The following CMIP variants were observed in gnomAD, a reference collection of about 807,000 sequenced individuals.
The protein encoded by CMIP is c-Maf inducing protein.
A neutral mutation model predicts 97.3 loss-of-function variants in CMIP; 13 were observed. That is an observed-to-expected ratio of 0.13 (90% CI 0.09 to 0.21). The LOEUF is 0.21. CMIP is among the 10% of genes least tolerant of loss of function. The pLI is 1.00. For synonymous variants in CMIP, 538 were observed against 436.3 expected (o/e 1.23, Z -2.91); for missense variants, 847 against 1,024.9 (o/e 0.83, Z 2.37).
At chr16:81,484,040 A>C (rs1051555986) in intron 1 of CMIP, among the ~76,000 whole-genome samples, 1 of 152,034 alleles carries the variant, frequency 6.6e-6, no homozygotes, top group Admixed American at 6.5e-5. Context: ...TTAAACACCT[A>C]CTGTGTCTTG....
At chr16:81,488,236 TA>T (rs1324433632) in intron 1 of CMIP, among the ~76,000 whole-genome samples, 2 of 152,224 alleles carry the variant, frequency 1.3e-5, no homozygotes, top group African/African-American at 4.8e-5. Flanking sequence ...CGTAGGGGGT[TA>T]AGGGCTCATA....
At chr16:81,662,725 A>T (rs1181139632) in intron 6 of CMIP, among the ~76,000 whole-genome samples, 1 of 152,154 alleles carries the variant, frequency 6.6e-6, no homozygotes, top group Admixed American at 6.5e-5. Context: ...TGTGCAGGAC[A>T]CGAGGGAGGG....
At chr16:81,701,272 T>G (rs3751858) in intron 15 of CMIP, among the ~76,000 whole-genome samples, 13,223 of 152,178 alleles carry the variant, frequency 0.087, 645 homozygotes, top group East Asian at 0.17. Context: ...TTCCGTGAGT[T>G]TGAGCACCTA....
chr16:81,576,865 A>G (rs1160223316), intron 1 of CMIP, among the ~76,000 whole-genome samples: 3 of 152,098 alleles, frequency 2.0e-5, no homozygotes, highest in African/African-American at 7.2e-5. Context: ...CAGGTATTAA[A>G]TTTGGTGAAG....
rs200195305 is a variant in CMIP, at chr16:81,636,580, CA to C, written c.478-15602del. 7.0e-3 allele frequency among the ~76,000 whole-genome samples: 746 copies of C among 106,640 alleles called. 6 individuals carry two copies. The highest frequency in any genetic ancestry group is 0.024 in the African/African-American group (639 of 26,512). The allele number at this position is 106,640 out of a possible 152,430, so 70.0% of individuals were successfully genotyped here. On this transcript the variant is annotated intron_variant, in intron 3 of 20. Transcript: ENST00000537098. ...TGGGTTACAGAGTGAAACTTCGTCT[CA>C]AAAAAAAAAAAAAAAAAAAAGTATG...
chr16:81,629,380 G>C (rs2092122415), intron 3 of CMIP, among the ~76,000 whole-genome samples: 1 of 152,048 alleles, frequency 6.6e-6, no homozygotes, highest in South Asian at 2.1e-4. Flanking sequence ...TGGAAGCCCA[G>C]ATCTGGCCTT....
At chr16:81,623,860 G>A (rs2092024020) in intron 3 of CMIP, among the ~76,000 whole-genome samples, 2 of 152,130 alleles carry the variant, frequency 1.3e-5, no homozygotes, top group South Asian at 4.1e-4. Flanking sequence ...CGTTAAGCAG[G>A]TAATAGAACC....
intron 1 of CMIP, chr16:81,476,407 G>A (rs1485842753): frequency 1.9e-5 from 21 of 1,084,552 alleles, no homozygotes; most frequent in Middle Eastern, 2.0e-4. Flanking sequence ...AGTGCTCAGA[G>A]CGTGAAAGTT....
At chr16:81,563,200 C>G (rs1456885742) in intron 1 of CMIP, among the ~76,000 whole-genome samples, 1 of 152,242 alleles carries the variant, frequency 6.6e-6, no homozygotes, top group South Asian at 2.1e-4. Flanking sequence ...CACAACCTGG[C>G]TGGCACCTGA....
intron 1 of CMIP, among the ~76,000 whole-genome samples, chr16:81,558,617 G>T (rs1430398639): frequency 6.6e-6 from 1 of 152,194 alleles, no homozygotes; most frequent in African/African-American, 2.4e-5. Context: ...TGAGCAAGGG[G>T]CAGAAGGAAA....
chr16:81,638,473 T>G (rs538012840), intron 3 of CMIP, among the ~76,000 whole-genome samples: 1 of 152,046 alleles, frequency 6.6e-6, no homozygotes, highest in African/African-American at 2.4e-5. Context: ...GGATGGTGCC[T>G]GGGATTTGAT....
At chr16:81,622,046 G>A (rs754203726) in intron 3 of CMIP, 3 of 152,216 alleles carry the variant, frequency 2.0e-5, no homozygotes, top group East Asian at 1.9e-4. Context: ...CAGGACTGGC[G>A]TGTTTTGAGC....
At chr16:81,517,605 T>C (rs1056788882) in intron 1 of CMIP, among the ~76,000 whole-genome samples, 1 of 152,220 alleles carries the variant, frequency 6.6e-6, no homozygotes, top group African/African-American at 2.4e-5. Flanking sequence ...CAAATTGTAA[T>C]GACAGCCCTG....
At chr16:81,707,554 T>C (rs1414222853) in intron 20 of CMIP, among the ~76,000 whole-genome samples, 1 of 151,876 alleles carries the variant, frequency 6.6e-6, no homozygotes, top group East Asian at 1.9e-4. Context: ...AGGAAATAAA[T>C]ATTTTGAGAG....
intron 2 of CMIP, chr16:81,619,514 GT>G (rs1302475408): frequency 1.3e-5 from 2 of 152,272 alleles, no homozygotes; most frequent in Non-Finnish European, 2.9e-5. Context: ...GAAGGTGGAT[GT>G]TCGTGCTTGG....
At chr16:81,473,289 C>T (rs1192209520) in intron 1 of CMIP, among the ~76,000 whole-genome samples, 1 of 152,136 alleles carries the variant, frequency 6.6e-6, no homozygotes, top group Non-Finnish European at 1.5e-5. Flanking sequence ...TTGCATTCCT[C>T]ATGAGGGAAT....
chr16:81,708,182 G>C (rs1270458874), intron 20 of CMIP, among the ~76,000 whole-genome samples: 1 of 152,256 alleles, frequency 6.6e-6, no homozygotes, highest in African/African-American at 2.4e-5. Context: ...TCGGTAGAGA[G>C]CGAGGTCCAA....
chr16:81,711,248 A>T lies in CMIP; in HGVS notation c.*1449A>T, dbSNP rs1240350866. On this transcript the variant is annotated 3_prime_UTR_variant, in exon 21 of 21. Coordinates refer to ENST00000537098, the MANE Select transcript of CMIP (RefSeq NM_198390.3). The stretch of plus-strand genomic sequence containing the variant: ...ATACTTCCCTCCTCCGGCACCTCCA[A>T]ACCTACCCCACAGTCAGTGTACTTG... The T allele has an allele frequency of 6.6e-6, 1 of 152,170 alleles. No homozygotes were observed. The highest frequency in any genetic ancestry group is 1.5e-5 in the Non-Finnish European group (1 of 67,984). 9.4% of individuals were successfully genotyped at this position (152,170 alleles called of 1,614,324 possible).
chr16:81,564,209 CT>C (rs2090938070), intron 1 of CMIP, among the ~76,000 whole-genome samples: 1 of 152,206 alleles, frequency 6.6e-6, no homozygotes, highest in Non-Finnish European at 1.5e-5. Flanking sequence ...GGCAAGGAAG[CT>C]GGGCACCCGG....
Sources: gnomAD v4.1 joint callset for allele counts (sites outside exome capture counted in the v4.1 genomes callset) on GRCh38, gnomAD v4.1.1 for gene constraint, MANE v1.5 for transcripts, NCBI Gene and HGNC (gene_info 2026-07-23, HGNC 2026-07-21) for gene names.